The following FAM114A2 variants were observed in gnomAD, a reference collection of about 807,000 sequenced individuals.
FAM114A2 encodes the protein protein FAM114A2.
Under a neutral mutation model 58.4 loss-of-function variants are expected in FAM114A2, and 53 were observed. That is an observed-to-expected ratio of 0.91 (90% CI 0.73 to 1.14). The LOEUF is 1.14. FAM114A2 is among the 50% of genes most tolerant of loss of function. The pLI is 0.00. For synonymous variants in FAM114A2, 228 were observed against 211.4 expected (o/e 1.08, Z -0.68); for missense variants, 601 against 581.1 (o/e 1.03, Z -0.35).
At chr5:153,999,478 T>C (rs1769821740) in intron 11 of FAM114A2, among the ~76,000 whole-genome samples, 1 of 151,600 alleles carries the variant, frequency 6.6e-6, no homozygotes, top group South Asian at 2.1e-4. Context: ...TCTACTAAAA[T>C]ACAAAAATTA....
chr5:154,012,122 A>G lies in FAM114A2; in HGVS notation c.914-802T>C, dbSNP rs1384911257. 3.3e-5 allele frequency among the ~76,000 whole-genome samples: 5 copies of G among 152,278 alleles called. No homozygotes were observed. In the East Asian group the frequency reaches 9.7e-4, roughly 29 times the overall value. The stretch of plus-strand genomic sequence containing the variant: ...TGAGGCAATAATCTAGGATCCAGGT[A>G]AGACAAAATGGTGGATAAGAAGAAA... On this transcript the variant is annotated intron_variant, in intron 8 of 13. Coordinates refer to ENST00000351797, the MANE Select transcript of FAM114A2 (RefSeq NM_018691.4).
Position 154,027,240 on chromosome 5 carries a change from T to C in FAM114A2, c.725A>G (p.Asp242Gly), listed in dbSNP as rs756864701. 1.9e-6 allele frequency: 3 copies of C among 1,613,694 alleles called. No individual in the cohort carries two copies. In the South Asian group the frequency reaches 3.3e-5, roughly 18 times the overall value. The change falls in exon 7 of 14, where the codon GAT becomes GGT. Residue 242 changes from aspartate (D) to glycine (G), a missense_variant. Asp to Gly is a moderately conservative substitution (Grantham distance 94). Coordinates refer to ENST00000351797, the MANE Select transcript of FAM114A2 (RefSeq NM_018691.4). ...DKKTHYGLLF[D>G]EFQGLSHLEA... ...TAGATGTGAAAGGCCTTGAAATTCA[T>C]CAAAGAGTAGCCCATAATGAGTTTT...
chr5:154,033,665 A>G (rs1772337460), intron 4 of FAM114A2, 126 bp downstream of exon 4: 1 of 600,772 alleles, frequency 1.7e-6, no homozygotes, highest in African/African-American at 1.9e-5. Context: ...GATTCTAAAT[A>G]CTCTTTCTCA....
In FAM114A2 at chr5:154,002,837, C is replaced by T; in HGVS notation, c.1116+10G>A. The T allele has an allele frequency of 1.2e-6, 2 of 1,613,826 alleles. No homozygotes were observed. Among genetic ancestry groups the T allele is most frequent in the Non-Finnish European group, 1.7e-6 (2 of 1,179,872 alleles). On this transcript the variant is annotated intron_variant, in intron 10 of 13. Transcript: ENST00000351797. ...AAAACAAACAAAAAAGGCTTAGTTGCTTTGGCTACCTCTATTGAATTTTTG... is the reference window on the plus strand; with the variant it reads ...AAAACAAACAAAAAAGGCTTAGTTGTTTTGGCTACCTCTATTGAATTTTTG...
intron 12 of FAM114A2, among the ~76,000 whole-genome samples, chr5:153,996,991 T>TAAAAAAAAAAAAAAAAGAAAAAAAA (rs1769606959): frequency 8.2e-6 from 1 of 121,300 alleles, no homozygotes. Context: ...GAGCAAAACT[T>TAAAAAAAAAAAAAAAAGAAAAAAAA]AAAAAAAAAA....
In FAM114A2 at chr5:154,034,713, G is replaced by A. The variant is rs1211922223; in HGVS notation, c.210+31C>T. On this transcript the variant is annotated intron_variant, in intron 2 of 13. Transcript: ENST00000351797. ...ATTTTTTAATCCTAATATTTTAATA[G>A]ATACCCTACTTTTTCTGTGGTCTGT... The A allele has an allele frequency of 3.4e-6, 5 of 1,465,552 alleles. No individual in the cohort carries two copies. In the South Asian group the frequency reaches 5.7e-5, roughly 17 times the overall value. The allele number at this position is 1,465,552 out of a possible 1,614,324, so 90.8% of individuals were successfully genotyped here.
chr5:154,037,787 G>A (rs1279893294), intron 1 of FAM114A2, among the ~76,000 whole-genome samples: 1 of 152,138 alleles, frequency 6.6e-6, no homozygotes, highest in African/African-American at 2.4e-5. Flanking sequence ...CTGGCCTCAA[G>A]CAATCTTCCC....
chr5:153,990,727 TA>T lies in FAM114A2; in HGVS notation c.*2248del, dbSNP rs1769218779. 6.6e-6 allele frequency: 1 copy of T among 152,192 alleles called. No individual in the cohort carries two copies. The highest frequency in any genetic ancestry group is 2.1e-4 in the South Asian group (1 of 4,828). 9.4% of individuals were successfully genotyped at this position (152,192 alleles called of 1,614,324 possible). A position where few individuals can be genotyped will look rare whatever the true frequency, so the allele number is the denominator to read the frequency against. On this transcript the variant is annotated 3_prime_UTR_variant, in exon 14 of 14. Coordinates refer to ENST00000351797, the MANE Select transcript of FAM114A2 (RefSeq NM_018691.4). Reference sequence around the variant, plus strand: ...CTGAACATTTCACTTATTAAGGTTTTAAGTGAATTGGAAAGGCATATATTAG... The same window carrying T: ...CTGAACATTTCACTTATTAAGGTTTTAGTGAATTGGAAAGGCATATATTAG...
chr5:154,028,324 A>G, intron 5 of FAM114A2, 41 bp from the exon 6 acceptor site: 2 of 1,406,922 alleles, frequency 1.4e-6, no homozygotes, highest in Non-Finnish European at 2.0e-6. Context: ...ATATTAAGAA[A>G]ACATATTTTT....
intron 8 of FAM114A2, among the ~76,000 whole-genome samples, chr5:154,023,809 A>G (rs1211131148): frequency 6.6e-6 from 1 of 152,110 alleles, no homozygotes; most frequent in Non-Finnish European, 1.5e-5. Flanking sequence ...AGAAGACAAA[A>G]AGCACTGGTA....
At chr5:154,017,319 G>A (rs1226324730) in intron 8 of FAM114A2, among the ~76,000 whole-genome samples, 1 of 152,220 alleles carries the variant, frequency 6.6e-6, no homozygotes, top group African/African-American at 2.4e-5. Context: ...GCACATGCCT[G>A]TAATCCCAGC....
intron 10 of FAM114A2, 116 bp downstream of exon 10, chr5:154,002,731 T>C: frequency 9.5e-7 from 1 of 1,049,052 alleles, no homozygotes; most frequent in Non-Finnish European, 1.4e-6. Context: ...GCTACAATCC[T>C]AGATCACAAG....
intron 8 of FAM114A2, among the ~76,000 whole-genome samples, chr5:154,021,571 G>A (rs191588280): frequency 0.028 from 4,224 of 152,134 alleles, 106 homozygotes; most frequent in Non-Finnish European, 0.037. Context: ...AATAAAATAC[G>A]TAAGAATCCA....
intron 9 of FAM114A2, among the ~76,000 whole-genome samples, chr5:154,010,981 C>A (rs1382438613): frequency 6.6e-6 from 1 of 152,108 alleles, no homozygotes; most frequent in Non-Finnish European, 1.5e-5. Context: ...ACATTGTAGA[C>A]TAAATTAAGC....
chr5:154,015,829 G>A (rs1165674950), intron 8 of FAM114A2, among the ~76,000 whole-genome samples: 2 of 152,000 alleles, frequency 1.3e-5, no homozygotes, highest in African/African-American at 4.8e-5. Flanking sequence ...AATCAAGGAG[G>A]CACCACAGAA....
intron 8 of FAM114A2, among the ~76,000 whole-genome samples, chr5:154,012,420 G>T (rs1380070744): frequency 6.6e-6 from 1 of 152,130 alleles, no homozygotes; most frequent in Non-Finnish European, 1.5e-5. Flanking sequence ...CCAGCCCAAG[G>T]CTTCTCTGCA....
At chr5:154,013,163 G>C (rs1770810818) in intron 8 of FAM114A2, among the ~76,000 whole-genome samples, 1 of 152,132 alleles carries the variant, frequency 6.6e-6, no homozygotes, top group Non-Finnish European at 1.5e-5. Context: ...CTACTGTTTA[G>C]AATTGAGTAG....
intron 4 of FAM114A2, among the ~76,000 whole-genome samples, chr5:154,030,534 T>C (rs188193736): frequency 2.1e-4 from 32 of 152,292 alleles, no homozygotes; most frequent in East Asian, 1.4e-3. Context: ...AACCTTACAA[T>C]TGGCTTGGCT....
rs202065919 is a variant in FAM114A2, at chr5:154,027,327, C to T, written c.638G>A (p.Arg213Gln). Residue 213 changes from arginine (R) to glutamine (Q), a missense_variant, in exon 7 of 14, where the codon CGA becomes CAA. Arg to Gln is a conservative substitution (Grantham distance 43). Coordinates refer to ENST00000351797, the MANE Select transcript of FAM114A2 (RefSeq NM_018691.4). Reference sequence around the variant, plus strand: ...TATCTCTTCTTTCTCCTTCGCCTCTCGTAAAACCTAAAAAGAGATGGAGGC... The same window carrying T: ...TATCTCTTCTTTCTCCTTCGCCTCTTGTAAAACCTAAAAAGAGATGGAGGC... ...NRNATLSQVL[R>Q]EAKEKEEIRT... 40 of 1,609,402 alleles carry T rather than the reference C, an allele frequency of 2.5e-5. No individual in the cohort carries two copies. In the East Asian group the frequency reaches 4.9e-4, roughly 20 times the overall value.
Sources: gnomAD v4.1 joint callset for allele counts (sites outside exome capture counted in the v4.1 genomes callset) on GRCh38, gnomAD v4.1.1 for gene constraint, MANE v1.5 for transcripts, NCBI Gene and HGNC (gene_info 2026-07-23, HGNC 2026-07-21) for gene names.